Variants in DCLK3 observed in about 807,000 individuals in gnomAD.
DCLK3 encodes the protein serine/threonine-protein kinase DCLK3.
A neutral mutation model predicts 46.4 loss-of-function variants in DCLK3; 30 were observed. The ratio of observed to expected loss-of-function variants is 0.65; its 90% CI spans 0.48 to 0.88. The LOEUF (loss-of-function observed/expected upper bound fraction) is 0.88, where lower values mean the gene tolerates loss of function less well. Ranked by LOEUF, DCLK3 falls within the 40% of genes least tolerant of loss-of-function variation. The pLI is 0.00. For synonymous variants in DCLK3, 401 were observed against 339.2 expected, an observed-to-expected ratio of 1.18 and a Z score of -2.00; for missense variants, 846 against 907.1, an observed-to-expected ratio of 0.93 and a Z score of 0.87.
chr3:36,728,960 G>T (rs2125525793), intron 2 of DCLK3, among the ~76,000 whole-genome samples: 1 of 152,242 alleles, frequency 6.6e-6, no homozygotes, highest in East Asian at 1.9e-4. Flanking sequence ...ACAGCTCTCA[G>T]CTGCCCCAGA....
At position 36,760,600 on chromosome 3, in the gene DCLK3, C is replaced by T. The variant is rs529389827; in HGVS notation, c.82+3582G>A. Among the ~76,000 whole-genome samples, 93 of 151,942 alleles carry T rather than the reference C, an allele frequency of 6.1e-4. 1 individual carries two copies. The highest frequency in any genetic ancestry group is 3.5e-3 in the Admixed American group (54 of 15,250). On this transcript the variant is annotated intron_variant, in intron 1 of 4. Coordinates refer to ENST00000636136, the MANE Select transcript of DCLK3 (RefSeq NM_001394672.2). ...ATGTAACTAACCTGCATGTTGTGCA[C>T]ATGTACCCTAAAACTTAAAGTATAA...
At chr3:36,720,614 C>A (rs1475765670) in intron 3 of DCLK3, among the ~76,000 whole-genome samples, 1 of 151,650 alleles carries the variant, frequency 6.6e-6, no homozygotes, top group Non-Finnish European at 1.5e-5. Context: ...AAGCAATTCT[C>A]CTGCCTCAGC....
chr3:36,718,844 G>A (rs565645302), intron 3 of DCLK3, among the ~76,000 whole-genome samples: 13 of 151,642 alleles, frequency 8.6e-5, no homozygotes, highest in South Asian at 8.4e-4. Flanking sequence ...ACACACACGC[G>A]CACACACCTA....
At chr3:36,723,325 G>T (rs909796042) in intron 2 of DCLK3, among the ~76,000 whole-genome samples, 1 of 152,164 alleles carries the variant, frequency 6.6e-6, no homozygotes, top group African/African-American at 2.4e-5. Context: ...GAGCACAAAA[G>T]TTTGGAAAAT....
rs550263579 is a variant in DCLK3, at chr3:36,715,095, A to G, written c.*233T>C. On this transcript the variant is annotated 3_prime_UTR_variant, in exon 5 of 5. Coordinates refer to ENST00000636136, the MANE Select transcript of DCLK3 (RefSeq NM_001394672.2). The stretch of plus-strand genomic sequence containing the variant: ...TTACCAAAATTCCTCACTGATGACA[A>G]TGCTTACCCCCCAAAAATGTATTAA... The G allele has an allele frequency of 3.7e-5, 19 of 511,420 alleles. No homozygotes were observed. In the East Asian group the frequency reaches 7.3e-4, roughly 20 times the overall value. 31.7% of individuals were successfully genotyped at this position (511,420 alleles called of 1,614,324 possible). A position where few individuals can be genotyped will look rare whatever the true frequency, so the allele number is the denominator to read the frequency against.
chr3:36,733,178 A>G (rs1701220503), intron 2 of DCLK3, among the ~76,000 whole-genome samples: 1 of 152,036 alleles, frequency 6.6e-6, no homozygotes, highest in African/African-American at 2.4e-5. Context: ...CACCACCACC[A>G]TCTCTCCTGG....
In DCLK3 at chr3:36,737,496, G is replaced by C; in HGVS notation, c.1671C>G (p.Asp557Glu). 1 of 1,614,194 alleles carries C rather than the reference G, an allele frequency of 6.2e-7. No homozygotes were observed. The highest frequency in any genetic ancestry group is 2.2e-5 in the East Asian group (1 of 44,890). Residue 557 changes from aspartate (D) to glutamate (E), a missense_variant, in exon 2 of 5, where the codon GAC becomes GAG. This residue lies in a region of DCLK3 where 247 missense variants were observed against 322.8 expected (regional missense o/e 0.77). Coordinates refer to ENST00000636136, the MANE Select transcript of DCLK3 (RefSeq NM_001394672.2). The surrounding 1 kb of genome is among the most constrained non-coding windows in gnomAD (Gnocchi z 4.4). ...CCTCCTTGCCCTTGAGTCTGGACTT[G>C]TCAATGATCTTCATCGCATAGGCCT... is the stretch of plus-strand genomic sequence containing the variant. ...TRQAYAMKII[D>E]KSRLKGKEDM... is the part of the protein sequence containing the mutation.
chr3:36,756,248 C>T (rs571204285), intron 1 of DCLK3, among the ~76,000 whole-genome samples: 1 of 152,322 alleles, frequency 6.6e-6, no homozygotes, highest in Non-Finnish European at 1.5e-5. Context: ...GTTATCCTTC[C>T]AGAGGGGCAA....
chr3:36,761,616 GA>G (rs1424652272), intron 1 of DCLK3, among the ~76,000 whole-genome samples: 5 of 152,184 alleles, frequency 3.3e-5, no homozygotes, highest in Non-Finnish European at 5.9e-5. Flanking sequence ...GCCACCAAAG[GA>G]AAAGGTGAGG....
chr3:36,731,552 C>T (rs1292832485), intron 2 of DCLK3, among the ~76,000 whole-genome samples: 2 of 152,052 alleles, frequency 1.3e-5, no homozygotes, highest in African/African-American at 2.4e-5. Flanking sequence ...CTCAGTCAGT[C>T]TCTTATCCCC....
chr3:36,757,795 C>G (rs1427221036), intron 1 of DCLK3, among the ~76,000 whole-genome samples: 1 of 152,144 alleles, frequency 6.6e-6, no homozygotes, highest in Non-Finnish European at 1.5e-5. Context: ...GGTGGTACCA[C>G]CAACCACCCT....
intron 3 of DCLK3, among the ~76,000 whole-genome samples, chr3:36,718,814 C>T (rs905095260): frequency 6.6e-6 from 1 of 152,088 alleles, no homozygotes; most frequent in Admixed American, 6.5e-5. Flanking sequence ...CATGTGTGCA[C>T]ACACTGGTAT....
intron 1 of DCLK3, among the ~76,000 whole-genome samples, chr3:36,755,493 T>A (rs371561547): frequency 6.6e-6 from 1 of 152,128 alleles, no homozygotes; most frequent in South Asian, 2.1e-4. Flanking sequence ...TGGTTAATAA[T>A]TTGGAAATAA....
At chr3:36,720,552 T>C (rs1701042124) in intron 3 of DCLK3, among the ~76,000 whole-genome samples, 1 of 146,830 alleles carries the variant, frequency 6.8e-6, no homozygotes, top group Admixed American at 7.1e-5. Flanking sequence ...TTGCCCAGGC[T>C]GGAGTGCAAT....
intron 2 of DCLK3, among the ~76,000 whole-genome samples, chr3:36,734,859 T>A (rs1701241772): frequency 6.6e-6 from 1 of 152,222 alleles, no homozygotes. Flanking sequence ...GCTGTTTTCC[T>A]ACTTCCTCAA....
chr3:36,728,480 G>T (rs1701151862), intron 2 of DCLK3, among the ~76,000 whole-genome samples: 3 of 152,256 alleles, frequency 2.0e-5, no homozygotes, highest in East Asian at 1.9e-4. Flanking sequence ...GCCGGCTGGG[G>T]GCTTGGATAG....
At chr3:36,757,065 G>A (rs1701492116) in intron 1 of DCLK3, among the ~76,000 whole-genome samples, 1 of 151,970 alleles carries the variant, frequency 6.6e-6, no homozygotes, top group Admixed American at 6.5e-5. Flanking sequence ...CCATCAGTTG[G>A]TGCATTAGGT....
intron 2 of DCLK3, among the ~76,000 whole-genome samples, chr3:36,730,103 G>A (rs1024566950): frequency 3.9e-5 from 6 of 152,110 alleles, no homozygotes; most frequent in East Asian, 3.9e-4. Context: ...TCTGGAAGGC[G>A]GAGGTTGCAG....
chr3:36,726,303 C>G (rs1382436663), intron 2 of DCLK3, among the ~76,000 whole-genome samples: 1 of 152,030 alleles, frequency 6.6e-6, no homozygotes, highest in Non-Finnish European at 1.5e-5. Flanking sequence ...GCTGATTGCT[C>G]AGACCAAAGG....
Sources: allele counts gnomAD v4.1 joint callset (sites outside exome capture counted in the v4.1 genomes callset), GRCh38; gene constraint gnomAD v4.1.1; regional missense constraint gnomAD v4.1.1; non-coding constraint Gnocchi (gnomAD v3.1); transcripts MANE v1.5; gene names NCBI Gene and HGNC (gene_info 2026-07-23, HGNC 2026-07-21).